Variants in STX3 observed in about 807,000 individuals in gnomAD.
STX3 encodes the protein syntaxin 3.
Under a neutral mutation model 40.2 loss-of-function variants are expected in STX3, and 19 were observed. That is an observed-to-expected ratio of 0.47 (90% CI 0.33 to 0.69). The LOEUF is 0.69. STX3 is among the 30% of genes least tolerant of loss of function. The probability of loss-of-function intolerance (pLI) is 0.02; values close to 1 mark genes in which losing one functional copy is unlikely to be tolerated. For synonymous variants in STX3, 122 were observed against 132.2 expected, an observed-to-expected ratio of 0.92 and a Z score of 0.53; for missense variants, 364 against 366.7, an observed-to-expected ratio of 0.99 and a Z score of 0.06.
chr11:59,800,353 G>A, intron 10 of STX3: 1 of 985,374 alleles, frequency 1.0e-6, no homozygotes, highest in Non-Finnish European at 1.2e-6. Flanking sequence ...CGGGGAAAGA[G>A]CAATGAAGTT....
At chr11:59,761,754 T>G (rs1347012762) in intron 1 of STX3, among the ~76,000 whole-genome samples, 1 of 151,934 alleles carries the variant, frequency 6.6e-6, no homozygotes, top group Non-Finnish European at 1.5e-5. Context: ...AAGAGATTAG[T>G]GGAGCAAATA....
chr11:59,787,208 T>G (rs1328170429), intron 3 of STX3, 72 bp downstream of exon 3: 1 of 1,372,004 alleles, frequency 7.3e-7, no homozygotes, highest in African/African-American at 1.4e-5. Flanking sequence ...CTTGTTTTCT[T>G]GCCCTTCGTG....
intron 1 of STX3, among the ~76,000 whole-genome samples, chr11:59,759,958 G>A (rs1862944002): frequency 6.6e-6 from 1 of 152,178 alleles, no homozygotes; most frequent in Admixed American, 6.5e-5. Context: ...GCGCTTCACT[G>A]AGATTCTGTC....
In STX3 at chr11:59,789,091, C is replaced by T. The variant is rs968151317; in HGVS notation, c.289+144C>T. On this transcript the variant is annotated intron_variant, in intron 4 of 10. Coordinates refer to ENST00000337979, the MANE Select transcript of STX3 (RefSeq NM_004177.5). Reference sequence around the variant, plus strand: ...TTGCTTGTGGTTTGGGCTCTGTCCCCGCAATGATCCATTGTAGCCCCAGAA... The same window carrying T: ...TTGCTTGTGGTTTGGGCTCTGTCCCTGCAATGATCCATTGTAGCCCCAGAA... 6.1e-5 allele frequency: 40 copies of T among 657,838 alleles called. 1 individual carries two copies. Among genetic ancestry groups the T allele is most frequent in the Middle Eastern group, 3.5e-4 (1 of 2,858 alleles). The allele number at this position is 657,838 out of a possible 1,614,324, so 40.8% of individuals were successfully genotyped here. A position where few individuals can be genotyped will look rare whatever the true frequency, so the allele number is the denominator to read the frequency against.
chr11:59,770,053 G>A (rs1423311667), intron 1 of STX3, among the ~76,000 whole-genome samples: 1 of 150,684 alleles, frequency 6.6e-6, no homozygotes, highest in Non-Finnish European at 1.5e-5. Flanking sequence ...TATGTGGAAT[G>A]GGTGTGGGCA....
chr11:59,794,855 G>A (rs995909300), intron 8 of STX3, among the ~76,000 whole-genome samples: 1 of 152,200 alleles, frequency 6.6e-6, no homozygotes, highest in Non-Finnish European at 1.5e-5. Context: ...CTTAGAGAAA[G>A]CAAATGTTCC....
chr11:59,754,834 C>T (rs1262295147), upstream of STX3: 4 of 152,224 alleles, frequency 2.6e-5, no homozygotes, highest in African/African-American at 9.7e-5. Context: ...CGATTTCCAA[C>T]AAGCAAAAGA....
At chr11:59,774,311 C>T (rs1863833014) in intron 2 of STX3, among the ~76,000 whole-genome samples, 1 of 152,156 alleles carries the variant, frequency 6.6e-6, no homozygotes, top group South Asian at 2.1e-4. Flanking sequence ...GCTTCCTTAC[C>T]TGTAAATTAG....
intron 1 of STX3, among the ~76,000 whole-genome samples, chr11:59,759,220 A>G (rs185970586): frequency 9.2e-5 from 14 of 152,304 alleles, no homozygotes; most frequent in Admixed American, 2.0e-4. Flanking sequence ...TTTTTCTATT[A>G]TTCTCATTCT....
chr11:59,760,628 C>T (rs1862981472), intron 1 of STX3, among the ~76,000 whole-genome samples: 1 of 152,156 alleles, frequency 6.6e-6, no homozygotes, highest in Admixed American at 6.5e-5. Context: ...ACTTGTGCTA[C>T]ATACCTTACA....
At chr11:59,754,341 C>CAA (rs1338070451), upstream of STX3, 5 of 152,254 alleles carry the variant, frequency 3.3e-5, no homozygotes, top group African/African-American at 1.2e-4. Flanking sequence ...CAGAAGAGGG[C>CAA]AAAGTACTGC....
Position 59,800,851 on chromosome 11 carries a change from C to T in STX3, c.*31-4C>T. The stretch of plus-strand genomic sequence containing the variant: ...GATCAGCTCCTCCTTTCCCTGCCTC[C>T]TAGAAACTGATTTCACTCCAGACTG... On this transcript the variant is annotated splice_polypyrimidine_tract_variant and splice_region_variant and intron_variant, in intron 10 of 10. Transcript: ENST00000337979. The T allele has an allele frequency of 3.3e-6, 5 of 1,536,414 alleles. No homozygotes were observed.
intron 10 of STX3, among the ~76,000 whole-genome samples, chr11:59,798,449 T>G (rs947373102): frequency 2.0e-5 from 3 of 152,106 alleles, no homozygotes; most frequent in African/African-American, 7.2e-5. Flanking sequence ...TCAGGTGATT[T>G]GCCCGCCTAA....
chr11:59,797,226 G>A, intron 9 of STX3, 57 bp from the exon 10 acceptor site: 1 of 1,418,764 alleles, frequency 7.0e-7, no homozygotes, highest in Non-Finnish European at 1.0e-6. Context: ...TGGATGAGTT[G>A]TTATTTTTTT....
At chr11:59,769,242 CT>C (rs775936039) in intron 1 of STX3, among the ~76,000 whole-genome samples, 21 of 151,848 alleles carry the variant, frequency 1.4e-4, no homozygotes, top group Non-Finnish European at 1.8e-4. Context: ...CTGACTTAGC[CT>C]TTAGTTTGAG....
At chr11:59,774,763 G>A (rs183247326) in intron 2 of STX3, among the ~76,000 whole-genome samples, 4 of 152,102 alleles carry the variant, frequency 2.6e-5, no homozygotes, top group African/African-American at 7.2e-5. Flanking sequence ...CCCAGGAGGC[G>A]TAGGTTGCAG....
At chr11:59,800,348 A>G in intron 10 of STX3, 1 of 985,400 alleles carries the variant, frequency 1.0e-6, no homozygotes, top group Non-Finnish European at 1.2e-6. Flanking sequence ...ACAGACGGGG[A>G]AAGAGCAATG....
chr11:59,765,600 C>G (rs553722265), intron 1 of STX3, among the ~76,000 whole-genome samples: 1 of 152,134 alleles, frequency 6.6e-6, no homozygotes, highest in South Asian at 2.1e-4. Context: ...GGTCAGGAGT[C>G]CAAGACCAGC....
intron 2 of STX3, among the ~76,000 whole-genome samples, chr11:59,774,440 TAAAAA>T (rs35265893): frequency 1.2e-5 from 1 of 81,304 alleles, no homozygotes; most frequent in Non-Finnish European, 2.6e-5. Flanking sequence ...CCTTGTCCCC[TAAAAA>T]AAAAAAAAAA....
Sources: allele counts gnomAD v4.1 joint callset (sites outside exome capture counted in the v4.1 genomes callset), GRCh38; gene constraint gnomAD v4.1.1; transcripts MANE v1.5; gene names NCBI Gene and HGNC (gene_info 2026-07-23, HGNC 2026-07-21).